The following PRDX4 variants were observed in gnomAD, a reference collection of about 807,000 sequenced individuals.
The protein encoded by PRDX4 is peroxiredoxin-4.
PRDX4 carries 12 observed loss-of-function variants against 20.5 expected under a neutral mutation model. The ratio of observed to expected loss-of-function variants is 0.58; its 90% confidence interval spans 0.37 to 0.95. The LOEUF is 0.95. Ranked by LOEUF, PRDX4 falls within the 40% of genes least tolerant of loss-of-function variation. PRDX4 has a pLI of 0.01. For synonymous variants in PRDX4, 99 were observed against 87.5 expected (o/e 1.13, Z -0.73); for missense variants, 180 against 207.3 (o/e 0.87, Z 0.81).
chrX:23,682,585 G>T, intron 5 of PRDX4, 59 bp downstream of exon 5: 1 of 912,654 alleles, frequency 1.1e-6, no homozygotes, highest in South Asian at 2.8e-5. Context: ...AATTAGTTAG[G>T]TTTCTTATCG....
chrX:23,671,493 C>A, intron 1 of PRDX4, 36 bp from the exon 2 acceptor site: 1 of 1,053,038 alleles, frequency 9.5e-7, no homozygotes, highest in Non-Finnish European at 1.3e-6. Flanking sequence ...CCAACTTTCT[C>A]AGTGTTACAG....
chrX:23,686,149 C>G lies in PRDX4; in HGVS notation c.766-136C>G, dbSNP rs776249182. 1.3e-5 allele frequency: 6 copies of G among 465,535 alleles called. No individual in the cohort carries two copies. The East Asian group carries it at 1.6e-4, about 12-fold the overall frequency. The allele number at this position is 465,535 out of a possible 1,213,427, so 38.4% of individuals were successfully genotyped here. A position where few individuals can be genotyped will look rare whatever the true frequency, so the allele number is the denominator to read the frequency against. Reference sequence around the variant, plus strand: ...GCCGAAATTAGTAGGCAGGACAAATCTCATTTTTTTCTAAATATACAATCT... The same window carrying G: ...GCCGAAATTAGTAGGCAGGACAAATGTCATTTTTTTCTAAATATACAATCT... On this transcript the variant is annotated intron_variant, in intron 6 of 6. Transcript: ENST00000379341.
rs1337599760 is a variant in PRDX4 at position 23,667,821 on chromosome X, G to A, written c.241+10G>A. The A allele has an allele frequency of 1.1e-5, 13 of 1,207,360 alleles. No individual in the cohort carries two copies. The highest frequency in any genetic ancestry group is 1.8e-5 in the South Asian group (1 of 56,574). On this transcript the variant is annotated intron_variant, in intron 1 of 6. Coordinates refer to ENST00000379341, the MANE Select transcript of PRDX4 (RefSeq NM_006406.2). ...CTAAGCAAAGCGAAGAGTAGGTGGT[G>A]TCCCGCCAAAGGGTGGGAGGGGAGA...
intron 3 of PRDX4, among the ~76,000 whole-genome samples, chrX:23,678,384 CT>C (rs1404239193): frequency 9.0e-6 from 1 of 111,382 alleles, no homozygotes; most frequent in African/African-American, 3.3e-5. Flanking sequence ...AATCCCAGTA[CT>C]TTGGGAGGCC....
intron 1 of PRDX4, among the ~76,000 whole-genome samples, chrX:23,668,197 A>G (rs1157146838): frequency 8.9e-6 from 1 of 112,691 alleles, no homozygotes; most frequent in Non-Finnish European, 1.9e-5. Flanking sequence ...GATAGGTTGA[A>G]TAATGATTCA....
chrX:23,681,004 C>T (rs1434861387), intron 4 of PRDX4, among the ~76,000 whole-genome samples: 6 of 111,290 alleles, frequency 5.4e-5, no homozygotes, highest in Admixed American at 9.5e-5. Context: ...CCAAGGCAGG[C>T]GGATCACGAG....
intron 3 of PRDX4, among the ~76,000 whole-genome samples, chrX:23,677,471 T>G (rs1470576430): frequency 1.8e-5 from 2 of 111,783 alleles, no homozygotes; most frequent in Non-Finnish European, 3.8e-5. Context: ...TATGCAGATA[T>G]ACCAAAATCG....
intron 2 of PRDX4, among the ~76,000 whole-genome samples, chrX:23,674,327 G>A (rs764304955): frequency 4.3e-4 from 48 of 111,439 alleles, no homozygotes; most frequent in Middle Eastern, 4.6e-3. Flanking sequence ...TTTTCTATTC[G>A]ATTTCACTTT....
chrX:23,681,656 T>C (rs1601793047), intron 4 of PRDX4, among the ~76,000 whole-genome samples: 2 of 112,686 alleles, frequency 1.8e-5, no homozygotes, highest in South Asian at 7.2e-4. Flanking sequence ...TGAGGCAGTT[T>C]TAAAATGTGG....
At chrX:23,678,275 A>AAAAG (rs201874694) in intron 3 of PRDX4, among the ~76,000 whole-genome samples, 4 of 93,173 alleles carry the variant, frequency 4.3e-5, no homozygotes, top group East Asian at 3.5e-4. Flanking sequence ...TCAAAAAAAA[A>AAAAG]AAAGAAAGAA....
At chrX:23,672,080 G>C (rs1927856294) in intron 2 of PRDX4, among the ~76,000 whole-genome samples, 2 of 111,461 alleles carry the variant, frequency 1.8e-5, no homozygotes, top group African/African-American at 6.5e-5. Context: ...GGCCAACATG[G>C]TAAAACCCCA....
intron 4 of PRDX4, among the ~76,000 whole-genome samples, chrX:23,681,289 G>T (rs1436529489): frequency 8.9e-6 from 1 of 112,062 alleles, no homozygotes; most frequent in Non-Finnish European, 1.9e-5. Flanking sequence ...TCACAGAGTT[G>T]TGCAACCATC....
At chrX:23,683,640 A>G in intron 5 of PRDX4, 31 bp from the exon 6 acceptor site, 1 of 1,198,029 alleles carries the variant, frequency 8.3e-7, no homozygotes, top group Non-Finnish European at 1.1e-6. Flanking sequence ...CTGTTTTTAA[A>G]ATGTCTTCTG....
intron 5 of PRDX4, among the ~76,000 whole-genome samples, chrX:23,682,853 A>AATATATATATATATATATAT (rs1173209030): frequency 5.6e-3 from 83 of 14,846 alleles, no homozygotes; most frequent in Non-Finnish European, 7.9e-3. Flanking sequence ...AAAAAAAAAA[A>AATATATATATATATATATAT]ATATATATAT....
Position 23,676,319 on chromosome X carries a change from A to G in PRDX4, c.476+1213A>G, listed in dbSNP as rs185965786. Among the ~76,000 whole-genome samples, 312 of 111,180 alleles carry G rather than the reference A, an allele frequency of 2.8e-3. 1 individual carries two copies. Among genetic ancestry groups the G allele is most frequent in the African/African-American group, 9.7e-3 (298 of 30,738 alleles). On this transcript the variant is annotated intron_variant, in intron 3 of 6. Transcript: ENST00000379341. ...TTAATTAATTACATTTCCCTAAGAA[A>G]TTAATTCCCATAAGTATTTTTAAAT...
Position 23,679,929 on chromosome X carries a change from G to C in PRDX4, c.599+642G>C, listed in dbSNP as rs186110304. On this transcript the variant is annotated intron_variant, in intron 4 of 6. Coordinates refer to ENST00000379341, the MANE Select transcript of PRDX4 (RefSeq NM_006406.2). ...CCCAGGAGGCGGAGGTTGCGGTGAG[G>C]CGAGATCACGCCACCGCACTCCAGC... is the stretch of plus-strand genomic sequence containing the variant. Among the ~76,000 whole-genome samples, 446 of 109,755 alleles carry C rather than the reference G, an allele frequency of 4.1e-3. 3 individuals are homozygous for C. The highest frequency in any genetic ancestry group is 8.5e-3 in the South Asian group (22 of 2,600).
intron 5 of PRDX4, among the ~76,000 whole-genome samples, chrX:23,682,824 T>TAAAAAA (rs1928098814): frequency 9.3e-4 from 1 of 1,077 alleles, no homozygotes; most frequent in Non-Finnish European, 1.6e-3. Flanking sequence ...CTACTAAAAA[T>TAAAAAA]CAAAAAAAAA....
At chrX:23,671,684 CTT>C (rs761853145) in intron 2 of PRDX4, 38 bp downstream of exon 2, 14 of 998,286 alleles carry the variant, frequency 1.4e-5, no homozygotes, top group Non-Finnish European at 1.8e-5. Context: ...AAATCTCAGT[CTT>C]TATCAATTAT....
At chrX:23,679,600 T>G (rs1322213701) in intron 4 of PRDX4, among the ~76,000 whole-genome samples, 1 of 99,397 alleles carries the variant, frequency 1.0e-5, no homozygotes, top group Non-Finnish European at 2.0e-5. Flanking sequence ...GTGGGAGAAT[T>G]GCTTGAACCT....
Sources: allele counts gnomAD v4.1 joint callset (sites outside exome capture counted in the v4.1 genomes callset), GRCh38; gene constraint gnomAD v4.1.1; transcripts MANE v1.5; gene names NCBI Gene and HGNC (gene_info 2026-07-23, HGNC 2026-07-21).